Variants in SORBS2 observed in about 807,000 individuals in gnomAD.
The protein encoded by SORBS2 is sorbin and SH3 domain containing 2.
SORBS2 carries 46 observed loss-of-function variants against 97.7 expected under a neutral mutation model. The observed-to-expected ratio is 0.47, with a 90% confidence interval of 0.37 to 0.60. SORBS2 has a LOEUF of 0.60. Among genes scored for constraint, SORBS2 ranks in the 20% least tolerant of loss-of-function variants. The pLI is 0.00. For missense variants in SORBS2, 1,316 were observed against 1,282.3 expected, an observed-to-expected ratio of 1.03 and a Z score of -0.40; for synonymous variants, 476 against 473.4, an observed-to-expected ratio of 1.01 and a Z score of -0.07.
intron 4 of SORBS2, among the ~76,000 whole-genome samples, chr4:185,640,715 C>G (rs1369200326): frequency 6.6e-6 from 1 of 152,094 alleles, no homozygotes; most frequent in Admixed American, 6.6e-5. Flanking sequence ...TTATTTAGAT[C>G]ATTATAGATG....
intron 2 of SORBS2, among the ~76,000 whole-genome samples, chr4:185,715,315 A>G (rs1321129782): frequency 6.6e-6 from 1 of 152,196 alleles, no homozygotes; most frequent in Non-Finnish European, 1.5e-5. Context: ...TTTGATATTA[A>G]TTTAGTCTCC....
Position 185,665,904 on chromosome 4 carries a change from G to T in SORBS2, c.-45-3662C>A, listed in dbSNP as rs557253955. ...CCGAGCGGGAGGAGTGCTCGGCCAG[G>T]GAGGAGTCTGTTGTCAGAGAGCCTG... On this transcript the variant is annotated intron_variant, in intron 4 of 20. Transcript: ENST00000284776. The T allele has an allele frequency of 7.5e-6, 9 of 1,196,416 alleles. No homozygotes were observed. The East Asian group carries it at 5.3e-4, about 70-fold the overall frequency. 74.1% of individuals were successfully genotyped at this position (1,196,416 alleles called of 1,614,324 possible). A position where few individuals can be genotyped will look rare whatever the true frequency, so the allele number is the denominator to read the frequency against.
intron 1 of SORBS2, among the ~76,000 whole-genome samples, chr4:185,953,875 G>A (rs1013210343): frequency 3.3e-5 from 5 of 152,366 alleles, no homozygotes; most frequent in East Asian, 3.9e-4. Context: ...GGGAGTAGGC[G>A]CAGAGCTGGG....
chr4:185,600,511 G>A (rs2096237081), intron 12 of SORBS2, among the ~76,000 whole-genome samples: 1 of 152,072 alleles, frequency 6.6e-6, no homozygotes, highest in African/African-American at 2.4e-5. Context: ...GCTAATTTTT[G>A]TATTTTTAGT....
At position 185,740,564 on chromosome 4, in the gene SORBS2, T is replaced by C. The variant is rs542809703; in HGVS notation, c.-198+34663A>G. Among the ~76,000 whole-genome samples the C allele has an allele frequency of 3.3e-5, 5 of 152,308 alleles. No homozygotes were observed. The South Asian group carries it at 1.0e-3, about 32-fold the overall frequency. ...TCTGCGCTGCAGCAGGAAGTGAATT[T>C]TGGGAGCCCCAAATGCAAAATAGGC... On this transcript the variant is annotated intron_variant, in intron 2 of 20. Transcript: ENST00000284776.
chr4:185,866,623 T>A (rs2099227046), intron 1 of SORBS2, among the ~76,000 whole-genome samples: 1 of 152,242 alleles, frequency 6.6e-6, no homozygotes, highest in Admixed American at 6.5e-5. Flanking sequence ...AGAGACAGTT[T>A]CACCTCATTT....
At chr4:185,774,588 G>A (rs1366404716) in intron 2 of SORBS2, 1 of 152,112 alleles carries the variant, frequency 6.6e-6, no homozygotes, top group African/African-American at 2.4e-5. Context: ...ACATTGTCAC[G>A]TTAGAGAAAC....
intron 1 of SORBS2, among the ~76,000 whole-genome samples, chr4:185,868,121 T>G (rs1305330451): frequency 6.6e-6 from 1 of 151,106 alleles, no homozygotes; most frequent in African/African-American, 2.4e-5. Flanking sequence ...AATTAAAAGC[T>G]TCTACTTTCC....
rs1554199361 is a variant in SORBS2 at position 185,709,304 on chromosome 4, C to CCTTTTT, written c.-197-30483_-197-30482insAAAAAG. On this transcript the variant is annotated intron_variant, in intron 2 of 20. Coordinates refer to the SORBS2 transcript ENST00000284776. The stretch of plus-strand genomic sequence containing the variant: ...GCATGAGCCGCTGTGCTGGCCAAAT[C>CCTTTTT]TTTTTTTTTTTTTTTTTTTTAGTAA... Among the ~76,000 whole-genome samples, 110 of 96,750 alleles carry CCTTTTT rather than the reference C, an allele frequency of 1.1e-3. 4 individuals are homozygous for CCTTTTT. Among genetic ancestry groups the CCTTTTT allele is most frequent in the Non-Finnish European group, 1.6e-3 (80 of 49,206 alleles). 63.5% of individuals were successfully genotyped at this position (96,750 alleles called of 152,430 possible).
intron 1 of SORBS2, among the ~76,000 whole-genome samples, chr4:185,797,759 C>A (rs1039408930): frequency 6.6e-6 from 1 of 152,080 alleles, no homozygotes; most frequent in Non-Finnish European, 1.5e-5. Flanking sequence ...CTGCAAAGCT[C>A]TTCCATGCCC....
At chr4:185,695,850 A>G (rs576920459) in intron 2 of SORBS2, among the ~76,000 whole-genome samples, 11 of 152,280 alleles carry the variant, frequency 7.2e-5, no homozygotes, top group Admixed American at 1.3e-4. Flanking sequence ...TTGTTTTGTG[A>G]GTTTAGAAAC....
chr4:185,840,982 G>A (rs1499009), intron 1 of SORBS2, among the ~76,000 whole-genome samples: 73,979 of 151,990 alleles, frequency 0.49, 18,279 homozygotes, highest in Non-Finnish European at 0.51. Flanking sequence ...GGGGCAGGTA[G>A]CACCTGAGCC....
chr4:185,698,905 A>G (rs1435635640), intron 2 of SORBS2, among the ~76,000 whole-genome samples: 1 of 152,140 alleles, frequency 6.6e-6, no homozygotes, highest in Non-Finnish European at 1.5e-5. Flanking sequence ...TCAGTTAGTA[A>G]GTATATCTAT....
Position 185,902,850 on chromosome 4 carries a change from T to G in SORBS2, c.-338+53346A>C, listed in dbSNP as rs533512366. Among the ~76,000 whole-genome samples the G allele has an allele frequency of 4.6e-5, 7 of 152,350 alleles. No homozygotes were observed. In the South Asian group the frequency reaches 1.4e-3, roughly 32 times the overall value. On this transcript the variant is annotated intron_variant, in intron 1 of 20. Transcript: ENST00000284776. ...GCAGTTGGTTTAGCTGCACTGGGAT[T>G]CATCCAATATTCCCAACCGTGATGT...
chr4:185,660,549 C>CGGCTACCTTTA (rs1425607722), upstream of SORBS2, among the ~76,000 whole-genome samples: 1 of 152,200 alleles, frequency 6.6e-6, no homozygotes, highest in Non-Finnish European at 1.5e-5. Flanking sequence ...ATAAGTCCCG[C>CGGCTACCTTTA]GGCTACCTTT....
intron 2 of SORBS2, among the ~76,000 whole-genome samples, chr4:185,768,554 G>T (rs529223024): frequency 6.6e-6 from 1 of 152,104 alleles, no homozygotes; most frequent in East Asian, 1.9e-4. Flanking sequence ...ACAAAAATTA[G>T]CTTGCGTGGT....
intron 2 of SORBS2, among the ~76,000 whole-genome samples, chr4:185,681,419 G>A (rs545613391): frequency 1.2e-4 from 18 of 150,758 alleles, no homozygotes; most frequent in South Asian, 6.3e-4. Context: ...AAAAAAAGTC[G>A]CCCAGGTAAA....
intron 2 of SORBS2, among the ~76,000 whole-genome samples, chr4:185,730,955 C>T (rs2098616913): frequency 6.6e-6 from 1 of 152,180 alleles, no homozygotes; most frequent in Admixed American, 6.5e-5. Context: ...CCAATGGTAT[C>T]TATTTGAGCA....
At chr4:185,689,501 T>C (rs2098047694) in intron 2 of SORBS2, among the ~76,000 whole-genome samples, 1 of 152,248 alleles carries the variant, frequency 6.6e-6, no homozygotes, top group South Asian at 2.1e-4. Context: ...CTTCTCTTGA[T>C]TGCTGAGCCT....
Sources: gnomAD v4.1 joint callset for allele counts (sites outside exome capture counted in the v4.1 genomes callset) on GRCh38, gnomAD v4.1.1 for gene constraint, MANE v1.5 for transcripts, NCBI Gene and HGNC (gene_info 2026-07-23, HGNC 2026-07-21) for gene names.